TMPRSS6: variants seen among roughly 807,000 people sequenced by gnomAD.
TMPRSS6 encodes transmembrane protease serine 6.
Under a neutral mutation model 101.5 loss-of-function variants are expected in TMPRSS6, and 67 were observed. That is an observed-to-expected ratio of 0.66 (90% CI 0.54 to 0.81). The LOEUF (loss-of-function observed/expected upper bound fraction) is 0.81. Among genes scored for constraint, TMPRSS6 ranks in the 30% least tolerant of loss-of-function variants. The pLI is 0.00. For missense variants in TMPRSS6, 1,034 were observed against 1,088.7 expected (o/e 0.95, Z 0.71); for synonymous variants, 453 against 464.9 (o/e 0.97, Z 0.33).
In TMPRSS6 at chr22:37,103,697, C is replaced by G; in HGVS notation, c.-1-279G>C. The stretch of plus-strand genomic sequence containing the variant: ...CACTGGCTTCCCTATGGTCAGAGGA[C>G]AGACGGAGGTCTCAGTACCTAAACA... On this transcript the variant is annotated intron_variant, in intron 1 of 17. Transcript: ENST00000676104. The surrounding 1 kb of genome is among the most constrained non-coding windows in gnomAD (Gnocchi z 4.4). 9.4e-7 allele frequency: 1 copy of G among 1,059,450 alleles called. No individual in the cohort carries two copies. The highest frequency in any genetic ancestry group is 1.4e-6 in the Non-Finnish European group (1 of 702,450). 65.6% of individuals were successfully genotyped at this position (1,059,450 alleles called of 1,614,324 possible). A position where few individuals can be genotyped will look rare whatever the true frequency, so the allele number is the denominator to read the frequency against.
At chr22:37,086,185 C>T in intron 8 of TMPRSS6, 98 bp downstream of exon 8, 1 of 1,540,118 alleles carries the variant, frequency 6.5e-7, no homozygotes, top group Non-Finnish European at 9.0e-7. Context: ...CCCATCCCAT[C>T]CTCAATTTGG....
Position 37,089,684 on chromosome 22 carries a change from T to C in TMPRSS6, c.730A>G (p.Lys244Glu), listed in dbSNP as rs2235324. 628,033 of 1,611,216 alleles carry C rather than the reference T, an allele frequency of 0.39. 123,383 individuals carry two copies. The highest frequency in any genetic ancestry group is 0.44 in the East Asian group (19,710 of 44,792). ...SSCLWHLQGP[K>E]DLMLKLRLEW... is the part of the protein sequence containing the mutation. Reference sequence around the variant, plus strand: ...AGCCGGAGTTTGAGCATGAGGTCCTTGGGGCCCTGCAGGTGCCACAGGCAG... The same window carrying C: ...AGCCGGAGTTTGAGCATGAGGTCCTCGGGGCCCTGCAGGTGCCACAGGCAG... The change falls in exon 7 of 18, where the codon AAG becomes GAG. Residue 244 changes from lysine to glutamate, a missense_variant. Transcript: ENST00000676104.
chr22:37,097,549 C>T (rs956501499), intron 3 of TMPRSS6, among the ~76,000 whole-genome samples: 4 of 152,244 alleles, frequency 2.6e-5, no homozygotes, highest in Admixed American at 6.5e-5. Context: ...AATAACTCCC[C>T]GGCACTTCTG....
chr22:37,096,002 G>C lies in TMPRSS6; in HGVS notation c.493C>G (p.Leu165Val). Reference protein sequence around the residue: ...LMLSPEVVQALLVEELLSTVN... With the variant: ...LMLSPEVVQAVLVEELLSTVN... ...GTGGACAGCAGCTCCTCCACCAGCA[G>C]TGCCTGCACCACCTCGGGGCTCAGC... Residue 165 changes from leucine (L) to valine (V), a missense_variant, in exon 5 of 18, where the codon CTG becomes GTG. Leu to Val is a conservative substitution (Grantham distance 32). Coordinates refer to ENST00000676104, the MANE Select transcript of TMPRSS6 (RefSeq NM_001374504.1). 1.2e-6 allele frequency: 2 copies of C among 1,614,232 alleles called. No homozygotes were observed. The highest frequency in any genetic ancestry group is 1.7e-6 in the Non-Finnish European group (2 of 1,180,040).
intron 7 of TMPRSS6, among the ~76,000 whole-genome samples, chr22:37,089,015 G>A (rs1041029270): frequency 6.6e-6 from 1 of 152,082 alleles, no homozygotes; most frequent in Non-Finnish European, 1.5e-5. Flanking sequence ...CATTTAATCC[G>A]TGAGCTCTGA....
rs556027233 is a variant in TMPRSS6 at position 37,086,549 on chromosome 22, C to T, written c.837-130G>A. ...CTGGGTTCTGGGTCCGGGTCTCCTA[C>T]CAGAGACCACTGTGTGTCTGTGGGG... On this transcript the variant is annotated intron_variant, in intron 7 of 17. Coordinates refer to ENST00000676104, the MANE Select transcript of TMPRSS6 (RefSeq NM_001374504.1). 4 of 918,994 alleles carry T rather than the reference C, an allele frequency of 4.4e-6. No individual in the cohort carries two copies. In the East Asian group the frequency reaches 1.1e-4, roughly 24 times the overall value. 56.9% of individuals were successfully genotyped at this position (918,994 alleles called of 1,614,324 possible).
chr22:37,089,484 C>T lies in TMPRSS6; in HGVS notation c.836+94G>A, dbSNP rs1392909346. 1.8e-5 allele frequency: 23 copies of T among 1,268,248 alleles called. No individual in the cohort carries two copies. In the East Asian group the frequency reaches 5.3e-4, roughly 29 times the overall value. The allele number at this position is 1,268,248 out of a possible 1,614,324, so 78.6% of individuals were successfully genotyped here. A position where few individuals can be genotyped will look rare whatever the true frequency, so the allele number is the denominator to read the frequency against. The stretch of plus-strand genomic sequence containing the variant: ...ATACCCAGGCCCAAGGTCCTACCCT[C>T]CCTTGTCTAAGAATGCTGTGTGTGA... On this transcript the variant is annotated intron_variant, in intron 7 of 17. Transcript: ENST00000676104.
At chr22:37,110,137 CTT>C (rs55809648), upstream of TMPRSS6, among the ~76,000 whole-genome samples, 112 of 87,054 alleles carry the variant, frequency 1.3e-3, no homozygotes, top group Middle Eastern at 6.6e-3. Context: ...CTACCTCGTT[CTT>C]TTTTTTTTTT....
At chr22:37,091,436 C>T (rs1929252206) in intron 6 of TMPRSS6, among the ~76,000 whole-genome samples, 2 of 152,168 alleles carry the variant, frequency 1.3e-5, no homozygotes, top group Non-Finnish European at 2.9e-5. Flanking sequence ...GCTGGGCCCC[C>T]AGGGGAGGGG....
At chr22:37,089,473 G>T in intron 7 of TMPRSS6, 105 bp downstream of exon 7, 1 of 1,165,232 alleles carries the variant, frequency 8.6e-7, no homozygotes, top group Non-Finnish European at 1.2e-6. Flanking sequence ...CCAGGCCCAA[G>T]GTCCTACCCT....
intron 6 of TMPRSS6, among the ~76,000 whole-genome samples, chr22:37,091,650 T>C (rs1460615979): frequency 6.6e-6 from 1 of 152,234 alleles, no homozygotes; most frequent in Non-Finnish European, 1.5e-5. Flanking sequence ...CCTGAGGCTC[T>C]CAGGAGTAAT....
At position 37,103,630 on chromosome 22, in the gene TMPRSS6, G is replaced by A. The variant is rs992071483; in HGVS notation, c.-1-212C>T. 2.5e-5 allele frequency: 40 copies of A among 1,586,978 alleles called. No homozygotes were observed. The highest frequency in any genetic ancestry group is 3.2e-5 in the Non-Finnish European group (37 of 1,161,270). Reference sequence around the variant, plus strand: ...AGCTCGCACCAGAGGGCAGGCACCAGAGCTGGACTGGGTCTGGCTCAAGAA... The same window carrying A: ...AGCTCGCACCAGAGGGCAGGCACCAAAGCTGGACTGGGTCTGGCTCAAGAA... On this transcript the variant is annotated intron_variant, in intron 1 of 17. Coordinates refer to ENST00000676104, the MANE Select transcript of TMPRSS6 (RefSeq NM_001374504.1). The surrounding 1 kb of genome is among the most constrained non-coding windows in gnomAD (Gnocchi z 4.4).
intron 2 of TMPRSS6, among the ~76,000 whole-genome samples, chr22:37,098,857 G>T (rs368005800): frequency 3.9e-5 from 6 of 152,310 alleles, no homozygotes; most frequent in Admixed American, 2.6e-4. Context: ...TGACATGAAG[G>T]CCAGGAAATC....
rs1213983622 is a variant in TMPRSS6, at chr22:37,101,315, G to A, written c.202+1901C>T. 6.6e-5 allele frequency among the ~76,000 whole-genome samples: 10 copies of A among 152,042 alleles called. No individual in the cohort carries two copies. The highest frequency in any genetic ancestry group is 1.2e-4 in the Non-Finnish European group (8 of 67,992). ...GGAGACAGGGGCAGGCGGGTGCTGG[G>A]GGCTTGAGAACACATAAAACTCTTG... is the stretch of plus-strand genomic sequence containing the variant. On this transcript the variant is annotated intron_variant, in intron 2 of 17. Coordinates refer to ENST00000676104, the MANE Select transcript of TMPRSS6 (RefSeq NM_001374504.1). This position sits in a 1 kb window ranked among gnomAD's most constrained non-coding sequence, Gnocchi z 4.1.
At chr22:37,074,808 C>G (rs1023148037) in intron 11 of TMPRSS6, 100 bp from the exon 12 acceptor site, 2 of 1,257,210 alleles carry the variant, frequency 1.6e-6, no homozygotes, top group African/African-American at 1.5e-5. Flanking sequence ...TTCACTCACA[C>G]GCGCATGGAC....
At position 37,103,602 on chromosome 22, in the gene TMPRSS6, G is replaced by C; in HGVS notation, c.-1-184C>G. 1 of 1,610,492 alleles carries C rather than the reference G, an allele frequency of 6.2e-7. No homozygotes were observed. Among genetic ancestry groups the C allele is most frequent in the Non-Finnish European group, 8.5e-7 (1 of 1,179,008 alleles). ...CACAGAGGAGGGAAGTGCATCTCAG[G>C]TCAGCTCGCACCAGAGGGCAGGCAC... On this transcript the variant is annotated intron_variant, in intron 1 of 17. Coordinates refer to ENST00000676104, the MANE Select transcript of TMPRSS6 (RefSeq NM_001374504.1). The surrounding 1 kb of genome is among the most constrained non-coding windows in gnomAD (Gnocchi z 4.4).
intron 16 of TMPRSS6, among the ~76,000 whole-genome samples, chr22:37,067,895 C>CT (rs1926483062): frequency 6.6e-6 from 1 of 152,048 alleles, no homozygotes; most frequent in Admixed American, 6.5e-5. Flanking sequence ...CGCCCAGGCA[C>CT]GCCTGCCCCC....
At chr22:37,109,918 G>C (rs985618700), upstream of TMPRSS6, among the ~76,000 whole-genome samples, 1 of 152,074 alleles carries the variant, frequency 6.6e-6, no homozygotes, top group Non-Finnish European at 1.5e-5. Context: ...CAAGGACTGG[G>C]GACTGTGCAG....
intron 15 of TMPRSS6, 46 bp downstream of exon 15, chr22:37,070,438 C>T: frequency 6.2e-7 from 1 of 1,611,864 alleles, no homozygotes; most frequent in Non-Finnish European, 8.5e-7. Flanking sequence ...CGGGCCTTCC[C>T]TGCCCTTGTC....
Sources: allele counts gnomAD v4.1 joint callset (sites outside exome capture counted in the v4.1 genomes callset), GRCh38; gene constraint gnomAD v4.1.1; non-coding constraint Gnocchi (gnomAD v3.1); transcripts MANE v1.5; gene names NCBI Gene and HGNC (gene_info 2026-07-23, HGNC 2026-07-21).